The following TAF4B variants were observed in gnomAD, a reference collection of about 807,000 sequenced individuals.
TAF4B encodes transcription initiation factor TFIID subunit 4B.
A neutral mutation model predicts 86.4 loss-of-function variants in TAF4B; 38 were observed. The observed-to-expected ratio is 0.44, with a 90% confidence interval of 0.34 to 0.58. The LOEUF is 0.58. Ranked by LOEUF, TAF4B falls within the 20% of genes least tolerant of loss-of-function variation. The pLI, the probability that TAF4B is intolerant of heterozygous loss-of-function variation, is 0.02. For missense variants in TAF4B, 988 were observed against 1,027.6 expected, an observed-to-expected ratio of 0.96 and a Z score of 0.53; for synonymous variants, 388 against 391.2, an observed-to-expected ratio of 0.99 and a Z score of 0.10.
chr18:26,229,469 A>G (rs1479591902), intron 1 of TAF4B, among the ~76,000 whole-genome samples: 1 of 143,774 alleles, frequency 7.0e-6, no homozygotes, highest in African/African-American at 2.5e-5. Flanking sequence ...ATCTTATACT[A>G]TTTCTTTTAT....
At chr18:26,285,843 T>A (rs2056513448) in intron 6 of TAF4B, 39 bp from the exon 7 acceptor site, 2 of 1,568,054 alleles carry the variant, frequency 1.3e-6, no homozygotes. Flanking sequence ...AGTAGCTGAT[T>A]TGTTAGCAGT....
intron 13 of TAF4B, among the ~76,000 whole-genome samples, chr18:26,336,086 TA>T (rs149121256): frequency 0.02 from 3,034 of 152,278 alleles, 44 homozygotes; most frequent in Non-Finnish European, 0.027. Flanking sequence ...CCCTCCTGAA[TA>T]AATCATCAAG....
chr18:26,234,053 G>A (rs1340949312), intron 1 of TAF4B, among the ~76,000 whole-genome samples: 1 of 152,140 alleles, frequency 6.6e-6, no homozygotes, highest in Non-Finnish European at 1.5e-5. Flanking sequence ...ACTGACTTTG[G>A]GTATGAGTAC....
At chr18:26,246,903 T>C (rs2055934759) in intron 1 of TAF4B, among the ~76,000 whole-genome samples, 1 of 150,962 alleles carries the variant, frequency 6.6e-6, no homozygotes, top group East Asian at 2.0e-4. Flanking sequence ...CAGGTTGGAG[T>C]GCAGTGGCAT....
At chr18:26,320,375 A>AGTAT (rs1568151225) in intron 10 of TAF4B, among the ~76,000 whole-genome samples, 1 of 152,138 alleles carries the variant, frequency 6.6e-6, no homozygotes, top group African/African-American at 2.4e-5. Flanking sequence ...GACTCTTTTG[A>AGTAT]GTATGTGGTC....
chr18:26,306,944 A>AT (rs1197678385), intron 9 of TAF4B, among the ~76,000 whole-genome samples: 2 of 151,422 alleles, frequency 1.3e-5, no homozygotes, highest in Non-Finnish European at 2.9e-5. Flanking sequence ...CACCCGGCTA[A>AT]TTTTTTTTGT....
chr18:26,285,222 G>GTTTTTTTTTTTTTTTTTTTT (rs776976703), intron 6 of TAF4B, among the ~76,000 whole-genome samples: 9 of 45,648 alleles, frequency 2.0e-4, no homozygotes, highest in East Asian at 1.1e-3. Flanking sequence ...TTTTTTTTTT[G>GTTTTTTTTTTTTTTTTTTTT]TTTTTTTTTT....
At chr18:26,269,010 G>A (rs1470945280) in intron 3 of TAF4B, among the ~76,000 whole-genome samples, 2 of 151,948 alleles carry the variant, frequency 1.3e-5, no homozygotes, top group African/African-American at 2.4e-5. Context: ...TTTTAGTAGG[G>A]ATGGGGTTTC....
intron 9 of TAF4B, among the ~76,000 whole-genome samples, chr18:26,294,077 G>A (rs1024306213): frequency 2.6e-5 from 4 of 152,034 alleles, no homozygotes; most frequent in African/African-American, 4.8e-5. Flanking sequence ...CAGTTTTTCT[G>A]ATGATTATAT....
chr18:26,378,769 G>A (rs2057459474), intron 14 of TAF4B, among the ~76,000 whole-genome samples: 1 of 152,020 alleles, frequency 6.6e-6, no homozygotes, highest in Admixed American at 6.5e-5. Flanking sequence ...AATCTTTCCT[G>A]TTTCAGAACT....
intron 12 of TAF4B, among the ~76,000 whole-genome samples, chr18:26,328,132 C>T (rs1169741240): frequency 2.0e-5 from 3 of 152,124 alleles, no homozygotes; most frequent in African/African-American, 4.8e-5. Flanking sequence ...TTCCTAATCA[C>T]ATAGCAATTA....
At position 26,390,069 on chromosome 18, in the gene TAF4B, A is replaced by G. The variant is rs1256289919; in HGVS notation, c.*57A>G. ...TTTACTGCCAAAGAAGACACAAAGC[A>G]TTGTTGCACTGTCCTGAAATTTCAA... On this transcript the variant is annotated 3_prime_UTR_variant, in exon 15 of 15. Coordinates refer to ENST00000269142, the MANE Select transcript of TAF4B (RefSeq NM_005640.3). 2.0e-6 allele frequency: 3 copies of G among 1,526,156 alleles called. No homozygotes were observed. Among genetic ancestry groups the G allele is most frequent in the African/African-American group, 2.8e-5 (2 of 71,992 alleles). 94.5% of individuals were successfully genotyped at this position (1,526,156 alleles called of 1,614,324 possible). A position where few individuals can be genotyped will look rare whatever the true frequency, so the allele number is the denominator to read the frequency against.
intron 13 of TAF4B, among the ~76,000 whole-genome samples, chr18:26,350,478 C>G (rs1454395538): frequency 6.6e-6 from 1 of 152,078 alleles, no homozygotes; most frequent in Non-Finnish European, 1.5e-5. Flanking sequence ...TTGAGATCAG[C>G]CTGGGCAACA....
At chr18:26,268,713 AT>A (rs2056274552) in intron 3 of TAF4B, among the ~76,000 whole-genome samples, 1 of 152,180 alleles carries the variant, frequency 6.6e-6, no homozygotes, top group Non-Finnish European at 1.5e-5. Context: ...ATGGGAGTCG[AT>A]TACTCTTCCT....
In TAF4B at chr18:26,286,378, C is replaced by T. The variant is rs371170038; in HGVS notation, c.1469C>T (p.Ser490Phe). 8.7e-6 allele frequency: 14 copies of T among 1,614,096 alleles called. No individual in the cohort carries two copies. The African/African-American group carries it at 1.7e-4, about 20-fold the overall frequency. Residue 490 changes from serine to phenylalanine, a missense_variant, in exon 7 of 15, where the codon TCT becomes TTT. Physicochemically the swap from Ser to Phe is radical, Grantham distance 155. This residue lies in a region of TAF4B where 747 missense variants were observed against 737.9 expected (regional missense o/e 1.01). Transcript: ENST00000269142. ...CLPSVKPVVS[S>F]AGTTSDKPVI... is the part of the protein sequence containing the mutation. ...CCATCTGTGAAACCTGTTGTTTCTT[C>T]TGCTGGGACCACATCTGACAAGCCT...
chr18:26,251,629 T>C (rs1324037077), intron 1 of TAF4B, among the ~76,000 whole-genome samples: 2 of 152,238 alleles, frequency 1.3e-5, no homozygotes, highest in Non-Finnish European at 2.9e-5. Flanking sequence ...TCTGTCAATA[T>C]GCTTGTAGAA....
At chr18:26,301,841 A>G (rs1246837573) in intron 9 of TAF4B, among the ~76,000 whole-genome samples, 1 of 152,094 alleles carries the variant, frequency 6.6e-6, no homozygotes, top group Admixed American at 6.5e-5. Context: ...GAGATTGCCT[A>G]ATGCTCTGTT....
At chr18:26,352,114 G>T (rs924039806) in intron 13 of TAF4B, among the ~76,000 whole-genome samples, 4 of 151,866 alleles carry the variant, frequency 2.6e-5, no homozygotes, top group African/African-American at 7.2e-5. Flanking sequence ...GGGAAACAGA[G>T]AAATGAAAAA....
intron 9 of TAF4B, among the ~76,000 whole-genome samples, chr18:26,308,462 A>G (rs921612395): frequency 2.0e-5 from 3 of 152,194 alleles, no homozygotes; most frequent in African/African-American, 7.2e-5. Context: ...GGTTGAAGTT[A>G]TATAGGTAGG....
Sources: gnomAD v4.1 joint callset for allele counts (sites outside exome capture counted in the v4.1 genomes callset) on GRCh38, gnomAD v4.1.1 for gene constraint, gnomAD v4.1.1 regional missense constraint, MANE v1.5 for transcripts, NCBI Gene and HGNC (gene_info 2026-07-23, HGNC 2026-07-21) for gene names.